BTG4: variants seen among roughly 807,000 people sequenced by gnomAD.
BTG4 encodes the protein protein BTG4.
In BTG4, 10 loss-of-function variants were observed where a neutral mutation model predicts 19.3. The observed-to-expected ratio is 0.52, with a 90% CI of 0.32 to 0.88. The LOEUF is 0.88. Among genes scored for constraint, BTG4 ranks in the 40% least tolerant of loss-of-function variants. BTG4 has a pLI of 0.04. For synonymous variants in BTG4, 91 were observed against 95.7 expected (o/e 0.95, Z 0.29); for missense variants, 238 against 281.9 (o/e 0.84, Z 1.11).
chr11:111,437,812 T>G, the BTG4 span, among the ~76,000 whole-genome samples: 2 of 152,208 alleles, frequency 1.3e-5, no homozygotes, highest in African/African-American at 2.4e-5. Flanking sequence ...CTCGTGTTGA[T>G]AGCTTAGCTA....
chr11:111,385,360 A>C, the BTG4 span: 2 of 152,148 alleles, frequency 1.3e-5, no homozygotes, highest in Non-Finnish European at 2.9e-5. Context: ...ATTTAAGAAG[A>C]TTAAACTCAC....
At chr11:111,456,451 G>A in the BTG4 span, 11 of 451,246 alleles carry the variant, frequency 2.4e-5, 1 homozygote, top group East Asian at 4.9e-4. This position sits in a 1 kb window ranked among gnomAD's most constrained non-coding sequence, Gnocchi z 4.2. Flanking sequence ...GGGAGTCCCC[G>A]CATGTTCCCT....
At chr11:111,491,324 G>A (rs960258899), downstream of BTG4, among the ~76,000 whole-genome samples, 4 of 152,152 alleles carry the variant, frequency 2.6e-5, no homozygotes, top group Non-Finnish European at 4.4e-5. Context: ...GTCAATATCT[G>A]GTTGTGATAC....
chr11:111,394,831 A>G, the BTG4 span, among the ~76,000 whole-genome samples: 2 of 152,208 alleles, frequency 1.3e-5, no homozygotes, highest in African/African-American at 4.8e-5. Flanking sequence ...ACTTACCAAG[A>G]TATGGTCCTA....
chr11:111,489,822 G>C (rs1479592811), downstream of BTG4, among the ~76,000 whole-genome samples: 2 of 152,056 alleles, frequency 1.3e-5, no homozygotes, highest in East Asian at 3.9e-4. Context: ...AAATAGAGTA[G>C]AATGGTTGGT....
downstream of BTG4, among the ~76,000 whole-genome samples, chr11:111,493,427 A>G (rs2135649770): frequency 6.6e-6 from 1 of 152,352 alleles, no homozygotes; most frequent in African/African-American, 2.4e-5. Flanking sequence ...AAATGTTACC[A>G]GAAATTCTAA....
At position 111,502,301 on chromosome 11, in the gene BTG4, G is replaced by A. The variant is rs185150877; in HGVS notation, c.-26-3499C>T. Among the ~76,000 whole-genome samples, 24 of 152,206 alleles carry A rather than the reference G, an allele frequency of 1.6e-4. 1 individual carries two copies. The East Asian group carries it at 4.4e-3, about 28-fold the overall frequency. ...CATTCTGACTTAATTGGTATAGAGT[G>A]CAACCTGCACATCAGGATTTTTAAA... On this transcript the variant is annotated intron_variant, in intron 1 of 4. Transcript: ENST00000692032.
the BTG4 span, among the ~76,000 whole-genome samples, chr11:111,402,837 G>C: frequency 6.6e-6 from 1 of 151,198 alleles, no homozygotes; most frequent in African/African-American, 2.4e-5. Flanking sequence ...AGGTCTAACT[G>C]TGTTTTCAGC....
At chr11:111,507,944 A>G (rs1255668058) in intron 1 of BTG4, 1 of 152,144 alleles carries the variant, frequency 6.6e-6, no homozygotes, top group African/African-American at 2.4e-5. Flanking sequence ...AAGAGCTTCA[A>G]TCTCTTTTCA....
intron 1 of BTG4, among the ~76,000 whole-genome samples, chr11:111,503,369 A>G (rs1001879722): frequency 1.3e-5 from 2 of 152,238 alleles, no homozygotes; most frequent in Admixed American, 1.3e-4. Flanking sequence ...AATTTAGCAG[A>G]AAGACCAACC....
rs767679116 is a variant in BTG4 at position 111,497,296 on chromosome 11, G to A, written c.425C>T (p.Ser142Phe). ...YAVSRASSDV[S>F]SGTSCDEESC... ...TTCTTCATCGCAGGAAGTGCCAGAGGAAACGTCTGATGAGGCTCTACTAAC... is the reference window on the plus strand; with the variant it reads ...TTCTTCATCGCAGGAAGTGCCAGAGAAAACGTCTGATGAGGCTCTACTAAC... Residue 142 changes from serine to phenylalanine, a missense_variant, in exon 4 of 5, where the codon TCC (serine) becomes TTC (phenylalanine). Transcript: ENST00000692032. The A allele has an allele frequency of 2.5e-6, 4 of 1,610,294 alleles. No individual in the cohort carries two copies. The highest frequency in any genetic ancestry group is 4.5e-5 in the East Asian group (2 of 44,778).
the BTG4 span, among the ~76,000 whole-genome samples, chr11:111,452,890 T>C: frequency 1.4e-4 from 21 of 152,134 alleles, no homozygotes; most frequent in African/African-American, 4.8e-4. Context: ...GAATTATTAA[T>C]ATAATGTGGT....
At chr11:111,486,459 C>T (rs1196625491) in intron 5 of BTG4, among the ~76,000 whole-genome samples, 1 of 152,048 alleles carries the variant, frequency 6.6e-6, no homozygotes, top group African/African-American at 2.4e-5. Flanking sequence ...TAAATACACA[C>T]ATACATACTA....
chr11:111,439,540 T>C, the BTG4 span, among the ~76,000 whole-genome samples: 1 of 151,788 alleles, frequency 6.6e-6, no homozygotes, highest in South Asian at 2.1e-4. Flanking sequence ...ACAGAAACAT[T>C]CATCCCCAAG....
chr11:111,491,330 G>C (rs1591500285), downstream of BTG4, among the ~76,000 whole-genome samples: 1 of 152,280 alleles, frequency 6.6e-6, no homozygotes, highest in East Asian at 1.9e-4. Context: ...ATCTGGTTGT[G>C]ATACTGTACT....
chr11:111,497,365 C>T lies in BTG4; in HGVS notation c.356G>A (p.Gly119Asp). The T allele has an allele frequency of 7.1e-7, 1 of 1,413,134 alleles. No individual in the cohort carries two copies. 87.5% of individuals were successfully genotyped at this position (1,413,134 alleles called of 1,614,324 possible). The change falls in exon 4 of 5, where the codon GGC becomes GAC. Residue 119 changes from glycine to aspartate, a missense_variant. Coordinates refer to ENST00000692032, the MANE Select transcript of BTG4 (RefSeq NM_001367975.1). ...NHPFTVASFK[G>D]RWEEWELYQQ... is the part of the protein sequence containing the mutation. ...ATATAGTTCCCATTCCTCCCATCTG[C>T]CTTTAAAAGAAGCAACTGTAAATGG...
At chr11:111,443,715 G>T in the BTG4 span, among the ~76,000 whole-genome samples, 1 of 152,322 alleles carries the variant, frequency 6.6e-6, no homozygotes, top group East Asian at 1.9e-4. Flanking sequence ...CACTGCCAGG[G>T]TCCTGAGAGA....
rs1269804781 is a variant in BTG4, at chr11:111,495,176, G to A, written c.649C>T (p.His217Tyr). 6.3e-7 allele frequency: 1 copy of A among 1,598,828 alleles called. No individual in the cohort carries two copies. Among genetic ancestry groups the A allele is most frequent in the African/African-American group, 1.4e-5 (1 of 73,914 alleles). Residue 217 changes from histidine to tyrosine, a missense_variant, in exon 5 of 5, where the codon CAC (histidine) becomes TAC (tyrosine). Transcript: ENST00000692032. Reference sequence around the variant, plus strand: ...ACCCAGTGGTACCTGTCCAGCCGGTGCATAGCAGGCCTGTAACACTTAGGA... The same window carrying A: ...ACCCAGTGGTACCTGTCCAGCCGGTACATAGCAGGCCTGTAACACTTAGGA... ...KHPKCYRPAM[H>Y]RLDRYHWVNT...
the BTG4 span, among the ~76,000 whole-genome samples, chr11:111,424,492 T>C: frequency 2.0e-5 from 3 of 152,230 alleles, no homozygotes; most frequent in Non-Finnish European, 4.4e-5. Flanking sequence ...TTGTTCACAT[T>C]TATTACAGTT....
Sources: gnomAD v4.1 joint callset for allele counts (sites outside exome capture counted in the v4.1 genomes callset) on GRCh38, gnomAD v4.1.1 for gene constraint, Gnocchi (gnomAD v3.1) non-coding constraint, MANE v1.5 for transcripts, NCBI Gene and HGNC (gene_info 2026-07-23, HGNC 2026-07-21) for gene names.